The following WWC1 variants were observed in gnomAD, a reference collection of about 807,000 sequenced individuals.
WWC1 encodes WW and C2 domain containing 1.
WWC1 carries 55 observed loss-of-function variants against 138.4 expected under a neutral mutation model. That is an observed-to-expected ratio of 0.40 (90% CI 0.32 to 0.50). WWC1 has a LOEUF of 0.50. Among genes scored for constraint, WWC1 ranks in the 20% least tolerant of loss-of-function variants. The pLI, the probability that WWC1 is intolerant of heterozygous loss-of-function variation, is 0.72. For synonymous variants in WWC1, 524 were observed against 564.9 expected (o/e 0.93, Z 1.03); for missense variants, 1,226 against 1,420.4 (o/e 0.86, Z 2.20).
chr5:168,405,195 C>T (rs530762204), intron 5 of WWC1, among the ~76,000 whole-genome samples: 4 of 152,138 alleles, frequency 2.6e-5, no homozygotes, highest in South Asian at 4.1e-4. Flanking sequence ...TCATCCTTCT[C>T]TCCTTTTCTT....
chr5:168,394,255 T>C (rs746995953), intron 3 of WWC1, among the ~76,000 whole-genome samples: 14 of 152,200 alleles, frequency 9.2e-5, no homozygotes, highest in Non-Finnish European at 1.8e-4. Context: ...TTGAAAATGA[T>C]TTTCTTTTAG....
intron 17 of WWC1, among the ~76,000 whole-genome samples, chr5:168,450,961 T>C (rs1484872241): frequency 1.3e-5 from 2 of 152,166 alleles, no homozygotes; most frequent in Non-Finnish European, 2.9e-5. Flanking sequence ...AGCGCAAATA[T>C]ACTAAGATTT....
chr5:168,336,947 G>T (rs1773526925), intron 1 of WWC1, among the ~76,000 whole-genome samples: 1 of 152,176 alleles, frequency 6.6e-6, no homozygotes. Flanking sequence ...TGGTGTATGT[G>T]CTCAACATAT....
rs1257214033 is a variant in WWC1, at chr5:168,423,675, C to A, written c.1417C>A (p.Leu473Met). The A allele has an allele frequency of 1.2e-6, 2 of 1,614,186 alleles. No homozygotes were observed. Among genetic ancestry groups the A allele is most frequent in the South Asian group, 1.1e-5 (1 of 91,084 alleles). Reference protein sequence around the residue: ...TDLYYDPFEQLDSELQSKVEF... With the variant: ...TDLYYDPFEQMDSELQSKVEF... Reference sequence around the variant, plus strand: ...CCTCTACTATGACCCCTTTGAGCAGCTGGACTCAGAGCTGCAGAGCAAGGT... The same window carrying A: ...CCTCTACTATGACCCCTTTGAGCAGATGGACTCAGAGCTGCAGAGCAAGGT... Residue 473 changes from leucine (L) to methionine (M), a missense_variant, in exon 11 of 23, where the codon CTG (leucine) becomes ATG (methionine). Leu to Met is a conservative substitution (Grantham distance 15). Around this residue, in one of 3 missense-constraint regions of WWC1, gnomAD observed 1,016 missense variants for 1,153.9 expected, o/e 0.88. Transcript: ENST00000265293.
At chr5:168,364,112 A>G (rs1170625224) in intron 1 of WWC1, among the ~76,000 whole-genome samples, 1 of 151,838 alleles carries the variant, frequency 6.6e-6, no homozygotes, top group Non-Finnish European at 1.5e-5. Flanking sequence ...TCCCCACAAC[A>G]CCCTTATGAG....
chr5:168,428,909 C>A, intron 13 of WWC1, 122 bp downstream of exon 13: 2 of 968,492 alleles, frequency 2.1e-6, no homozygotes, highest in Non-Finnish European at 3.2e-6. Flanking sequence ...CCAGCAGGAC[C>A]TGCTGGCCAT....
intron 3 of WWC1, among the ~76,000 whole-genome samples, chr5:168,395,884 C>A (rs1200094223): frequency 6.6e-6 from 1 of 152,190 alleles, no homozygotes; most frequent in Non-Finnish European, 1.5e-5. Flanking sequence ...CCCCAAACTT[C>A]CAAGTATTAC....
intron 1 of WWC1, among the ~76,000 whole-genome samples, chr5:168,295,796 A>T (rs1210923996): frequency 1.3e-5 from 2 of 152,164 alleles, no homozygotes. Context: ...AAGAGCAGCC[A>T]AGCAGCCAGC....
chr5:168,353,041 G>A (rs184293692), intron 1 of WWC1, among the ~76,000 whole-genome samples: 32 of 152,270 alleles, frequency 2.1e-4, no homozygotes, highest in East Asian at 5.8e-4. Context: ...TTACTAATGA[G>A]GTGAAGTTAC....
At chr5:168,341,519 G>A (rs1774032761) in intron 1 of WWC1, among the ~76,000 whole-genome samples, 2 of 152,042 alleles carry the variant, frequency 1.3e-5, no homozygotes, top group African/African-American at 4.8e-5. Flanking sequence ...GATCACTGAT[G>A]TCCCAGTCTG....
intron 15 of WWC1, 104 bp downstream of exon 15, chr5:168,431,548 A>G (rs1182085686): frequency 1.5e-6 from 2 of 1,315,380 alleles, no homozygotes; most frequent in Non-Finnish European, 2.0e-6. Context: ...CCTGAGCTTC[A>G]GGAAGAAGGT....
intron 1 of WWC1, among the ~76,000 whole-genome samples, chr5:168,304,943 G>GGC (rs1211850485): frequency 6.6e-5 from 10 of 151,054 alleles, no homozygotes; most frequent in Admixed American, 2.0e-4. Context: ...CTCCTGCCTC[G>GGC]GCTTCCCGAG....
chr5:168,410,820 A>G (rs1202757715), intron 8 of WWC1, among the ~76,000 whole-genome samples: 2 of 152,150 alleles, frequency 1.3e-5, no homozygotes, highest in Non-Finnish European at 2.9e-5. Flanking sequence ...CTATCTTATT[A>G]TCTCCATGTT....
Position 168,429,616 on chromosome 5 carries a change from C to T in WWC1, c.2001-521C>T, listed in dbSNP as rs189368432. Among the ~76,000 whole-genome samples, 73 of 152,164 alleles carry T rather than the reference C, an allele frequency of 4.8e-4. 1 individual carries two copies. The highest frequency in any genetic ancestry group is 7.9e-4 in the Admixed American group (12 of 15,286). On this transcript the variant is annotated intron_variant, in intron 13 of 22. Transcript: ENST00000265293. ...CATTTCCATATCATGAAATTTCACC[C>T]GCATTTATGGGTTCTTTTTAAAAAT...
intron 1 of WWC1, among the ~76,000 whole-genome samples, chr5:168,359,318 T>C (rs1350502216): frequency 6.6e-6 from 1 of 152,184 alleles, no homozygotes; most frequent in Non-Finnish European, 1.5e-5. Context: ...CGTCCCCAAG[T>C]GCTGGGATTA....
At chr5:168,340,013 CTTTT>C in intron 1 of WWC1, among the ~76,000 whole-genome samples, 2 of 133,182 alleles carry the variant, frequency 1.5e-5, no homozygotes, top group South Asian at 4.9e-4. Flanking sequence ...CTCTTTCTTT[CTTTT>C]CTTTCTTTCC....
chr5:168,456,261 G>A (rs1037013836), intron 19 of WWC1, among the ~76,000 whole-genome samples: 14 of 151,958 alleles, frequency 9.2e-5, no homozygotes, highest in South Asian at 2.1e-4. Flanking sequence ...CCATGATTGC[G>A]CCACAGCACT....
At chr5:168,323,514 T>G (rs1235175561) in intron 1 of WWC1, among the ~76,000 whole-genome samples, 1 of 151,796 alleles carries the variant, frequency 6.6e-6, no homozygotes, top group Non-Finnish European at 1.5e-5. Context: ...GCCACTGTAT[T>G]CCAGCCTGGG....
intron 21 of WWC1, 143 bp from the exon 22 acceptor site, chr5:168,467,697 C>T (rs1198491008): frequency 5.0e-6 from 6 of 1,209,284 alleles, no homozygotes; most frequent in East Asian, 2.6e-5. Context: ...TTCCCATTAT[C>T]GTTCTGAATG....
Sources: allele counts gnomAD v4.1 joint callset (sites outside exome capture counted in the v4.1 genomes callset), GRCh38; gene constraint gnomAD v4.1.1; regional missense constraint gnomAD v4.1.1; transcripts MANE v1.5; gene names NCBI Gene and HGNC (gene_info 2026-07-23, HGNC 2026-07-21).